Variants in PLXNC1 observed in about 807,000 individuals in gnomAD.
The protein encoded by PLXNC1 is plexin-C1.
Under a neutral mutation model 178.2 loss-of-function variants are expected in PLXNC1, and 75 were observed. The observed-to-expected ratio is 0.42, with a 90% confidence interval of 0.35 to 0.51. PLXNC1 has a LOEUF of 0.51. Ranked by LOEUF, PLXNC1 falls within the 20% of genes least tolerant of loss-of-function variation. The pLI, the probability that PLXNC1 is intolerant of heterozygous loss-of-function variation, is 0.02. For missense variants in PLXNC1, 1,503 were observed against 1,984.4 expected (o/e 0.76, Z 4.61); for synonymous variants, 790 against 779.9 (o/e 1.01, Z -0.22).
chr12:94,244,765 G>A lies in PLXNC1; in HGVS notation c.2388+740G>A, dbSNP rs569618453. Reference sequence around the variant, plus strand: ...AATTTCCGTGATATCCACCACCACAGATAAGCAAAAAAGTCCTCACATTCA... The same window carrying A: ...AATTTCCGTGATATCCACCACCACAAATAAGCAAAAAAGTCCTCACATTCA... On this transcript the variant is annotated intron_variant, in intron 12 of 30. Transcript: ENST00000258526. Among the ~76,000 whole-genome samples the A allele has an allele frequency of 1.2e-4, 18 of 152,328 alleles. No homozygotes were observed. In the South Asian group the frequency reaches 1.9e-3, roughly 16 times the overall value.
intron 15 of PLXNC1, chr12:94,254,426 T>C (rs913679546): frequency 1.3e-5 from 6 of 452,372 alleles, no homozygotes; most frequent in Non-Finnish European, 2.2e-5. Context: ...AATGGAACAA[T>C]GCAAGTGGCT....
In PLXNC1 at chr12:94,181,504, AAG is replaced by A; in HGVS notation, c.1266_1267del (p.Glu422AspfsTer10). The A allele has an allele frequency of 6.3e-7, 1 of 1,595,968 alleles. No homozygotes were observed. The highest frequency in any genetic ancestry group is 8.6e-7 in the Non-Finnish European group (1 of 1,163,624). ...CCAGAGGTTATCTATGAAATTAAAG[AAG>A]AGACACCTGTTTTCTACAAACTCGT... On this transcript the variant is annotated frameshift_variant, in exon 3 of 31. Transcript: ENST00000258526. LOFTEE classifies it high-confidence loss of function.
At position 94,149,262 on chromosome 12, in the gene PLXNC1, G is replaced by T. The variant is rs1960850618; in HGVS notation, c.291G>T (p.Ala97=). 2 of 1,538,498 alleles carry T rather than the reference G, an allele frequency of 1.3e-6. No individual in the cohort carries two copies. Among genetic ancestry groups the T allele is most frequent in the African/African-American group, 1.4e-5 (1 of 70,120 alleles). ...CTEPVSLAPP[A]RPRPGSSFSK... is the part of the protein sequence containing the mutation. ...AGCCGGTCTCGCTGGCGCCCCCCGCGCGGCCCCGGCCCGGGAGCAGCTTCA... is the reference window on the plus strand; with the variant it reads ...AGCCGGTCTCGCTGGCGCCCCCCGCTCGGCCCCGGCCCGGGAGCAGCTTCA... The change falls in exon 1 of 31, where the codon GCG becomes GCT. Residue 97 remains alanine (A), a synonymous_variant. Coordinates refer to ENST00000258526, the MANE Select transcript of PLXNC1 (RefSeq NM_005761.3).
rs555086690 is a variant in PLXNC1, at chr12:94,283,342, G to T, written c.3879+941G>T. Among the ~76,000 whole-genome samples the T allele has an allele frequency of 2.6e-5, 4 of 152,290 alleles. No homozygotes were observed. The East Asian group carries it at 7.7e-4, about 29-fold the overall frequency. On this transcript the variant is annotated intron_variant, in intron 23 of 30. Transcript: ENST00000258526. ...AAGGGAGAGCATGCGTGTTAGACTA[G>T]TCAAAACTTGAGAGGGGCAATGGAG...
intron 17 of PLXNC1, 113 bp from the exon 18 acceptor site, chr12:94,259,224 G>T (rs1964931574): frequency 6.7e-6 from 5 of 749,148 alleles, no homozygotes; most frequent in Non-Finnish European, 9.1e-6. Flanking sequence ...GGGCGCTTCA[G>T]ATTAGCAAAT....
chr12:94,257,548 TG>T (rs1026803445), intron 17 of PLXNC1, among the ~76,000 whole-genome samples: 23 of 151,752 alleles, frequency 1.5e-4, no homozygotes, highest in African/African-American at 5.1e-4. Context: ...CCGAGGCGGG[TG>T]GATCACTTGA....
intron 23 of PLXNC1, among the ~76,000 whole-genome samples, chr12:94,294,002 T>C (rs1157732467): frequency 1.3e-5 from 2 of 152,092 alleles, no homozygotes; most frequent in Non-Finnish European, 2.9e-5. Context: ...AGGCCCTACC[T>C]CCTAATACCA....
At chr12:94,203,748 C>T (rs904660778) in intron 4 of PLXNC1, among the ~76,000 whole-genome samples, 1 of 152,154 alleles carries the variant, frequency 6.6e-6, no homozygotes, top group Non-Finnish European at 1.5e-5. Flanking sequence ...TCCCAGAAGT[C>T]CCCAGAAACA....
chr12:94,169,349 T>A (rs1961753545), intron 2 of PLXNC1, 56 bp downstream of exon 2: 3 of 1,452,788 alleles, frequency 2.1e-6, no homozygotes, highest in Admixed American at 2.0e-5. Flanking sequence ...TTTTGTACTT[T>A]AAAAAAACAT....
At chr12:94,226,456 G>C in intron 7 of PLXNC1, 149 bp from the exon 8 acceptor site, 2 of 584,838 alleles carry the variant, frequency 3.4e-6, no homozygotes, top group Non-Finnish European at 6.1e-6. Flanking sequence ...CAAGAGCAGG[G>C]CACAAAGCCT....
chr12:94,162,178 C>T (rs1352574973), intron 1 of PLXNC1, among the ~76,000 whole-genome samples: 1 of 152,078 alleles, frequency 6.6e-6, no homozygotes, highest in Non-Finnish European at 1.5e-5. Flanking sequence ...ACGGGAAGAG[C>T]TATGGTCATG....
intron 4 of PLXNC1, among the ~76,000 whole-genome samples, chr12:94,207,869 C>A (rs927568115): frequency 3.3e-5 from 5 of 152,050 alleles, no homozygotes; most frequent in Non-Finnish European, 7.4e-5. Flanking sequence ...GACTCCCAGG[C>A]AGCATTAAGA....
intron 1 of PLXNC1, among the ~76,000 whole-genome samples, chr12:94,160,172 G>A (rs1231818853): frequency 6.6e-6 from 1 of 152,112 alleles, no homozygotes; most frequent in South Asian, 2.1e-4. Context: ...GGCTATATGT[G>A]CACTGAGGGG....
At position 94,247,969 on chromosome 12, in the gene PLXNC1, C is replaced by A; in HGVS notation, c.2455C>A (p.Arg819Ser). The A allele has an allele frequency of 6.2e-7, 1 of 1,614,094 alleles. No individual in the cohort carries two copies. ...LAPSLKSSKVRTNVTVKLRVQ... is the reference protein window; with the variant it reads ...LAPSLKSSKVSTNVTVKLRVQ... ...CCCCAGTTTAAAGAGTTCAAAAGTGCGCACGAATGTCACTGTGAAGCTGAG... is the reference window on the plus strand; with the variant it reads ...CCCCAGTTTAAAGAGTTCAAAAGTGAGCACGAATGTCACTGTGAAGCTGAG... The change falls in exon 13 of 31, where the codon CGC becomes AGC. Residue 819 changes from arginine (R) to serine (S), a missense_variant. Around this residue, in one of 4 missense-constraint regions of PLXNC1, gnomAD observed 639 missense variants for 979.7 expected, o/e 0.65. Transcript: ENST00000258526.
chr12:94,156,033 AC>A (rs1277108502), intron 1 of PLXNC1, among the ~76,000 whole-genome samples: 1 of 152,190 alleles, frequency 6.6e-6, no homozygotes. Context: ...GACCAAAGCT[AC>A]CAGTTACCAG....
chr12:94,217,799 T>C (rs1024863695), intron 5 of PLXNC1, among the ~76,000 whole-genome samples: 2 of 152,252 alleles, frequency 1.3e-5, no homozygotes, highest in Non-Finnish European at 2.9e-5. Flanking sequence ...TCTGGTGGAA[T>C]GTTCTATACT....
rs1183351553 is a variant in PLXNC1, at chr12:94,301,149, C to T, written c.4386+92C>T. ...AGCATTCAAATAATAAACAATTGGT[C>T]TAAACTACACCAGCTAAAAAGAGAT... On this transcript the variant is annotated intron_variant, in intron 28 of 30. Transcript: ENST00000258526. 2.6e-5 allele frequency: 27 copies of T among 1,044,636 alleles called. 1 individual carries two copies. The highest frequency in any genetic ancestry group is 3.5e-5 in the Non-Finnish European group (25 of 715,714). 64.7% of individuals were successfully genotyped at this position (1,044,636 alleles called of 1,614,324 possible).
At position 94,251,548 on chromosome 12, in the gene PLXNC1, T is replaced by C. The variant is rs768101889; in HGVS notation, c.2881+20T>C. ...TTTTTGGTAAGTGCCCTGTTTAATT[T>C]TGTCAGAGAAATTATTCCCTGGGGC... On this transcript the variant is annotated intron_variant, in intron 15 of 30. Transcript: ENST00000258526. 1.1e-5 allele frequency: 17 copies of C among 1,490,830 alleles called. No homozygotes were observed. Among genetic ancestry groups the C allele is most frequent in the Non-Finnish European group, 1.6e-5 (17 of 1,067,904 alleles). The allele number at this position is 1,490,830 out of a possible 1,614,324, so 92.4% of individuals were successfully genotyped here.
chr12:94,151,813 C>T (rs561622485), intron 1 of PLXNC1, among the ~76,000 whole-genome samples: 1 of 152,316 alleles, frequency 6.6e-6, no homozygotes, highest in Non-Finnish European at 1.5e-5. Flanking sequence ...CAGTTCCCTT[C>T]CAAACCCAGC....
Sources: allele counts gnomAD v4.1 joint callset (sites outside exome capture counted in the v4.1 genomes callset), GRCh38; gene constraint gnomAD v4.1.1; regional missense constraint gnomAD v4.1.1; transcripts MANE v1.5; gene names NCBI Gene and HGNC (gene_info 2026-07-23, HGNC 2026-07-21).